The following DLG2 variants were observed in gnomAD, a reference collection of about 807,000 sequenced individuals.
DLG2 encodes discs large MAGUK scaffold protein 2.
A neutral mutation model predicts 132.5 loss-of-function variants in DLG2; 45 were observed. The ratio of observed to expected loss-of-function variants is 0.34; its 90% CI spans 0.27 to 0.44. The LOEUF (loss-of-function observed/expected upper bound fraction) is 0.44. Among genes scored for constraint, DLG2 ranks in the 20% least tolerant of loss-of-function variants. The probability of loss-of-function intolerance (pLI) is 1.00; values close to 1 mark genes in which losing one functional copy is unlikely to be tolerated. For synonymous variants in DLG2, 424 were observed against 419.6 expected, an observed-to-expected ratio of 1.01 and a Z score of -0.13; for missense variants, 1,045 against 1,196.9, an observed-to-expected ratio of 0.87 and a Z score of 1.87.
intron 3 of DLG2, among the ~76,000 whole-genome samples, chr11:85,535,882 C>A (rs534122429): frequency 6.6e-6 from 1 of 152,248 alleles, no homozygotes; most frequent in Non-Finnish European, 1.5e-5. Context: ...AAGCTAGTCA[C>A]AAAAGGCCAC....
intron 7 of DLG2, among the ~76,000 whole-genome samples, chr11:84,455,734 T>C (rs2099063615): frequency 6.6e-6 from 1 of 151,394 alleles, no homozygotes; most frequent in South Asian, 2.1e-4. Flanking sequence ...ATAGCCGCTA[T>C]TTGAAAATAT....
At chr11:84,526,939 C>T (rs1020180091) in intron 7 of DLG2, among the ~76,000 whole-genome samples, 47 of 152,066 alleles carry the variant, frequency 3.1e-4, no homozygotes, top group African/African-American at 1.1e-3. Flanking sequence ...CCACCACGCC[C>T]GGCTAATTTT....
chr11:84,063,300 T>C (rs1359851404), intron 10 of DLG2, among the ~76,000 whole-genome samples: 1 of 152,236 alleles, frequency 6.6e-6, no homozygotes, highest in Non-Finnish European at 1.5e-5. Context: ...ATATTCTTTC[T>C]AGAATTTCCT....
At chr11:83,799,502 G>A (rs1567007761) in intron 17 of DLG2, among the ~76,000 whole-genome samples, 1 of 152,194 alleles carries the variant, frequency 6.6e-6, no homozygotes, top group Non-Finnish European at 1.5e-5. Context: ...AAATGAGGGT[G>A]GATTTGAGGG....
chr11:85,309,226 T>G (rs962363257), intron 3 of DLG2, among the ~76,000 whole-genome samples: 4 of 152,044 alleles, frequency 2.6e-5, no homozygotes, highest in African/African-American at 9.7e-5. Context: ...AAATGTAACA[T>G]GAGCACAGCC....
At chr11:84,526,028 A>G (rs759917065) in intron 7 of DLG2, among the ~76,000 whole-genome samples, 2 of 152,164 alleles carry the variant, frequency 1.3e-5, no homozygotes, top group African/African-American at 2.4e-5. Flanking sequence ...CAGTTTTTCT[A>G]CGTCTTGAGA....
chr11:84,553,620 G>A (rs1041043958), intron 6 of DLG2, among the ~76,000 whole-genome samples: 5 of 152,148 alleles, frequency 3.3e-5, no homozygotes, highest in African/African-American at 1.2e-4. Context: ...ACTGTCAAAG[G>A]AACAGCAGAC....
At chr11:84,902,956 T>C (rs1350256145) in intron 6 of DLG2, among the ~76,000 whole-genome samples, 1 of 115,964 alleles carries the variant, frequency 8.6e-6, no homozygotes, top group African/African-American at 2.8e-5. Flanking sequence ...GGGTTCTTTC[T>C]TCCTTTCCCA....
At chr11:85,510,634 C>T (rs943272054) in intron 3 of DLG2, among the ~76,000 whole-genome samples, 5 of 152,190 alleles carry the variant, frequency 3.3e-5, no homozygotes, top group African/African-American at 1.2e-4. Flanking sequence ...CTCATCATCA[C>T]TGGCCATCAG....
At chr11:83,959,811 T>A (rs1425823628) in intron 14 of DLG2, among the ~76,000 whole-genome samples, 1 of 152,030 alleles carries the variant, frequency 6.6e-6, no homozygotes, top group Non-Finnish European at 1.5e-5. Flanking sequence ...TATGAGGCAA[T>A]TACTTAACCT....
chr11:85,603,752 C>T (rs1296702904), intron 2 of DLG2, among the ~76,000 whole-genome samples: 1 of 151,856 alleles, frequency 6.6e-6, no homozygotes, highest in Non-Finnish European at 1.5e-5. Flanking sequence ...CCTTTCTCTA[C>T]AACAAAATTT....
intron 3 of DLG2, among the ~76,000 whole-genome samples, chr11:85,577,213 T>C (rs1005772992): frequency 2.6e-5 from 4 of 152,100 alleles, no homozygotes; most frequent in Non-Finnish European, 5.9e-5. Context: ...AGAGAACAGA[T>C]TGGCATAAAA....
intron 6 of DLG2, among the ~76,000 whole-genome samples, chr11:84,548,716 T>C (rs1391104298): frequency 6.6e-6 from 1 of 152,172 alleles, no homozygotes; most frequent in Admixed American, 6.5e-5. Flanking sequence ...GTCTTTGCTA[T>C]TGTGAATAGT....
chr11:85,217,317 C>CACACA (rs2082684492), intron 4 of DLG2, among the ~76,000 whole-genome samples: 1 of 6,964 alleles, frequency 1.4e-4, no homozygotes, highest in Non-Finnish European at 7.6e-4. Context: ...CTCTCTCTCT[C>CACACA]TCACACACAC....
At chr11:84,638,807 G>C (rs2099645397) in intron 6 of DLG2, among the ~76,000 whole-genome samples, 1 of 152,178 alleles carries the variant, frequency 6.6e-6, no homozygotes, top group Non-Finnish European at 1.5e-5. Context: ...GTATGTGTGT[G>C]TGTTCAGCAA....
At chr11:84,140,609 G>A (rs1018169127) in intron 9 of DLG2, among the ~76,000 whole-genome samples, 25 of 152,168 alleles carry the variant, frequency 1.6e-4, no homozygotes, top group Non-Finnish European at 5.9e-5. Context: ...GCAATGTTAC[G>A]GAGCTTTGAA....
At chr11:85,000,706 T>A (rs1418449606) in intron 6 of DLG2, among the ~76,000 whole-genome samples, 1 of 152,190 alleles carries the variant, frequency 6.6e-6, no homozygotes, top group Non-Finnish European at 1.5e-5. Context: ...GATTTTTAAC[T>A]TTCTTTTACG....
intron 7 of DLG2, among the ~76,000 whole-genome samples, chr11:84,417,089 T>G (rs780319968): frequency 2.0e-5 from 3 of 152,188 alleles, no homozygotes; most frequent in Admixed American, 6.5e-5. Flanking sequence ...AGCAAGAATG[T>G]GAAGACAGCA....
intron 3 of DLG2, among the ~76,000 whole-genome samples, chr11:85,592,037 A>G (rs1228368636): frequency 2.6e-5 from 4 of 152,318 alleles, no homozygotes; most frequent in African/African-American, 7.2e-5. Flanking sequence ...TAGCAACAAC[A>G]ATGTACAATA....
Sources: gnomAD v4.1 joint callset for allele counts (sites outside exome capture counted in the v4.1 genomes callset) on GRCh38, gnomAD v4.1.1 for gene constraint, MANE v1.5 for transcripts, NCBI Gene and HGNC (gene_info 2026-07-23, HGNC 2026-07-21) for gene names.